Variants in UVRAG observed in about 807,000 individuals in gnomAD.
The protein encoded by UVRAG is UV radiation resistance associated.
In UVRAG, 19 loss-of-function variants were observed where a neutral mutation model predicts 78.0. The ratio of observed to expected loss-of-function variants is 0.24; its 90% CI spans 0.17 to 0.36. The LOEUF is 0.36. UVRAG is among the 10% of genes least tolerant of loss of function. UVRAG has a pLI of 1.00. For synonymous variants in UVRAG, 323 were observed against 324.6 expected (o/e 1.00, Z 0.05); for missense variants, 740 against 853.8 (o/e 0.87, Z 1.66).
At chr11:76,136,628 G>A (rs1952601946) in intron 14 of UVRAG, among the ~76,000 whole-genome samples, 1 of 149,802 alleles carries the variant, frequency 6.7e-6, no homozygotes, top group Admixed American at 6.6e-5. Flanking sequence ...GCCCACAGTT[G>A]CTGGGACTAC....
At chr11:76,018,252 C>T (rs1399066220) in intron 12 of UVRAG, among the ~76,000 whole-genome samples, 3 of 149,840 alleles carry the variant, frequency 2.0e-5, no homozygotes, top group Non-Finnish European at 4.4e-5. Flanking sequence ...TCTCTCCTGT[C>T]CTGTTAGTCT....
At chr11:76,053,506 TC>T (rs2134355560) in intron 12 of UVRAG, among the ~76,000 whole-genome samples, 1 of 152,250 alleles carries the variant, frequency 6.6e-6, no homozygotes, top group East Asian at 1.9e-4. Flanking sequence ...TTTCAGTTCT[TC>T]CCACATATCT....
intron 8 of UVRAG, among the ~76,000 whole-genome samples, chr11:75,998,933 A>T (rs1949757165): frequency 6.6e-6 from 1 of 152,068 alleles, no homozygotes; most frequent in South Asian, 2.1e-4. Context: ...TCTTGTCTTC[A>T]GCAGTTTGAA....
chr11:76,143,374 G>A lies in UVRAG; in HGVS notation c.*1961G>A, dbSNP rs1952756637. Among the ~76,000 whole-genome samples the A allele has an allele frequency of 6.6e-6, 1 of 152,200 alleles. No homozygotes were observed. The highest frequency in any genetic ancestry group is 2.4e-5 in the African/African-American group (1 of 41,434). Reference sequence around the variant, plus strand: ...GAGCAGGACTCCTCATGATTACAGTGTCCATCTCAGGCCCACACAACCATG... The same window carrying A: ...GAGCAGGACTCCTCATGATTACAGTATCCATCTCAGGCCCACACAACCATG... On this transcript the variant is annotated 3_prime_UTR_variant, in exon 15 of 15. Transcript: ENST00000356136.
intron 6 of UVRAG, among the ~76,000 whole-genome samples, chr11:75,957,632 C>T (rs1209939976): frequency 6.6e-6 from 1 of 152,126 alleles, no homozygotes; most frequent in African/African-American, 2.4e-5. Flanking sequence ...TTGGGAAAAG[C>T]TGACAACTTA....
chr11:75,951,359 G>A (rs796344714), intron 6 of UVRAG, among the ~76,000 whole-genome samples: 4,083 of 118,800 alleles, frequency 0.034, 70 homozygotes, highest in South Asian at 0.046. Context: ...GTGTGTGTGT[G>A]TATATATTTT....
intron 12 of UVRAG, among the ~76,000 whole-genome samples, chr11:76,057,112 G>T (rs563148555): frequency 6.6e-6 from 1 of 152,234 alleles, no homozygotes; most frequent in East Asian, 1.9e-4. Context: ...CTTTAGCCAC[G>T]TAAGGCCCTG....
intron 7 of UVRAG, among the ~76,000 whole-genome samples, chr11:75,970,865 CATT>C (rs752258010): frequency 6.6e-6 from 1 of 151,748 alleles, no homozygotes; most frequent in East Asian, 1.9e-4. Context: ...AATATTAATA[CATT>C]ATTATTAACT....
At chr11:75,817,897 A>AG (rs1491126506) in intron 1 of UVRAG, among the ~76,000 whole-genome samples, 2 of 145,506 alleles carry the variant, frequency 1.4e-5, no homozygotes, top group Admixed American at 6.7e-5. Context: ...TACAAAAAAA[A>AG]GAAAAAAAAA....
intron 7 of UVRAG, among the ~76,000 whole-genome samples, chr11:75,977,059 G>GT (rs928760901): frequency 6.6e-6 from 1 of 152,158 alleles, no homozygotes; most frequent in African/African-American, 2.4e-5. Flanking sequence ...AGAGATTCTG[G>GT]TATGTTGTGT....
intron 12 of UVRAG, among the ~76,000 whole-genome samples, chr11:76,020,972 C>A (rs1220011581): frequency 6.6e-6 from 1 of 152,058 alleles, no homozygotes; most frequent in Admixed American, 6.6e-5. Flanking sequence ...TGAGTTTAGT[C>A]CAGTTTTGTT....
intron 13 of UVRAG, among the ~76,000 whole-genome samples, chr11:76,095,089 C>G (rs1429679153): frequency 2.0e-5 from 3 of 152,134 alleles, no homozygotes; most frequent in African/African-American, 7.2e-5. Context: ...TTGTACCTGA[C>G]GGTTCCCTCT....
At chr11:76,063,638 A>G (rs1426099498) in intron 12 of UVRAG, among the ~76,000 whole-genome samples, 1 of 152,222 alleles carries the variant, frequency 6.6e-6, no homozygotes, top group East Asian at 1.9e-4. Flanking sequence ...TTAATTGAAT[A>G]TAATAATAAA....
chr11:75,870,931 G>A (rs530634772), intron 3 of UVRAG, among the ~76,000 whole-genome samples: 6 of 151,368 alleles, frequency 4.0e-5, no homozygotes, highest in African/African-American at 9.7e-5. Flanking sequence ...GTGCAATGGC[G>A]CGATCCCGGC....
chr11:75,881,695 G>C (rs1333131876), intron 4 of UVRAG, among the ~76,000 whole-genome samples: 3 of 152,200 alleles, frequency 2.0e-5, no homozygotes, highest in African/African-American at 7.2e-5. Flanking sequence ...GGGATTACAG[G>C]CATGAGCCAT....
At chr11:76,014,128 T>C (rs1195214108) in intron 11 of UVRAG, among the ~76,000 whole-genome samples, 1 of 152,224 alleles carries the variant, frequency 6.6e-6, no homozygotes, top group Admixed American at 6.5e-5. Context: ...GTTTTGTTCA[T>C]TGGTGGGAAG....
At chr11:76,139,554 T>G (rs1952667085) in intron 14 of UVRAG, among the ~76,000 whole-genome samples, 1 of 152,130 alleles carries the variant, frequency 6.6e-6, no homozygotes, top group Admixed American at 6.6e-5. Context: ...TATGCGTGTT[T>G]CCTCATCTGA....
intron 6 of UVRAG, among the ~76,000 whole-genome samples, chr11:75,948,667 T>C (rs1475464004): frequency 6.6e-6 from 1 of 152,170 alleles, no homozygotes; most frequent in Non-Finnish European, 1.5e-5. Flanking sequence ...GAAAAATCCT[T>C]TTATCATCGA....
intron 7 of UVRAG, among the ~76,000 whole-genome samples, chr11:75,966,160 G>C (rs1405120948): frequency 6.6e-6 from 1 of 151,686 alleles, no homozygotes; most frequent in African/African-American, 2.4e-5. Context: ...TTAACTTTTT[G>C]GTTTATTTTC....
Sources: allele counts gnomAD v4.1 joint callset (sites outside exome capture counted in the v4.1 genomes callset), GRCh38; gene constraint gnomAD v4.1.1; transcripts MANE v1.5; gene names NCBI Gene and HGNC (gene_info 2026-07-23, HGNC 2026-07-21).